The following PLCH1 variants were observed in gnomAD, a reference collection of about 807,000 sequenced individuals.
PLCH1 encodes phospholipase C eta 1.
A neutral mutation model predicts 126.7 loss-of-function variants in PLCH1; 60 were observed. The ratio of observed to expected loss-of-function variants is 0.47; its 90% CI spans 0.38 to 0.59. The LOEUF (loss-of-function observed/expected upper bound fraction) is 0.59, where lower values mean the gene tolerates loss of function less well. Among genes scored for constraint, PLCH1 ranks in the 20% least tolerant of loss-of-function variants. The pLI, the probability that PLCH1 is intolerant of heterozygous loss-of-function variation, is 0.00. For missense variants in PLCH1, 1,723 were observed against 2,040.0 expected (o/e 0.84, Z 2.99); for synonymous variants, 719 against 734.9 (o/e 0.98, Z 0.35).
intron 2 of PLCH1, among the ~76,000 whole-genome samples, chr3:155,596,996 T>C (rs1273060273): frequency 1.3e-5 from 2 of 152,256 alleles, no homozygotes; most frequent in Admixed American, 1.3e-4. Flanking sequence ...ACTTGTTGAA[T>C]GAATCCAGGT....
chr3:155,636,761 TA>T (rs1738773838), intron 2 of PLCH1, among the ~76,000 whole-genome samples: 1 of 124,436 alleles, frequency 8.0e-6, no homozygotes, highest in Non-Finnish European at 1.7e-5. Flanking sequence ...AAAAAAAAAT[TA>T]GATTTTGTGT....
chr3:155,528,893 A>C (rs1560116138), intron 10 of PLCH1, among the ~76,000 whole-genome samples: 1 of 152,198 alleles, frequency 6.6e-6, no homozygotes, highest in Non-Finnish European at 1.5e-5. Flanking sequence ...TCCTTTAAAA[A>C]TCTAATTAAA....
At chr3:155,546,495 A>T (rs1047729015) in intron 10 of PLCH1, among the ~76,000 whole-genome samples, 2 of 152,182 alleles carry the variant, frequency 1.3e-5, no homozygotes, top group African/African-American at 4.8e-5. Context: ...TGCCATCCCC[A>T]TCAAGCTACC....
At chr3:155,469,368 C>T (rs535458071) in intron 21 of PLCH1, among the ~76,000 whole-genome samples, 124 of 152,118 alleles carry the variant, frequency 8.2e-4, no homozygotes, top group Non-Finnish European at 1.5e-3. Flanking sequence ...CTTTTCGGAC[C>T]GGCCTAAAAA....
chr3:155,713,906 T>C (rs1316512267), intron 1 of PLCH1, among the ~76,000 whole-genome samples: 2 of 152,222 alleles, frequency 1.3e-5, no homozygotes, highest in East Asian at 1.9e-4. Context: ...TTATTATAAA[T>C]TAAAATAACC....
chr3:155,692,227 C>G (rs2680882), intron 2 of PLCH1, among the ~76,000 whole-genome samples: 58,970 of 151,920 alleles, frequency 0.39, 11,917 homozygotes, highest in East Asian at 0.52. Context: ...TATCACTTCC[C>G]CCTTCCTCTC....
intron 2 of PLCH1, among the ~76,000 whole-genome samples, chr3:155,651,522 A>G (rs34588813): frequency 0.073 from 11,097 of 152,244 alleles, 435 homozygotes; most frequent in Middle Eastern, 0.11. Flanking sequence ...ATTTTATTTC[A>G]CATACTTCTA....
rs573949571 is a variant in PLCH1 at position 155,648,447 on chromosome 3, A to G, written c.80-52069T>C. Among the ~76,000 whole-genome samples the G allele has an allele frequency of 3.9e-5, 6 of 152,024 alleles. No homozygotes were observed. In the South Asian group the frequency reaches 8.3e-4, roughly 21 times the overall value. On this transcript the variant is annotated intron_variant, in intron 2 of 22. Coordinates refer to ENST00000460012, the MANE Select transcript of PLCH1 (RefSeq NM_014996.4). The stretch of plus-strand genomic sequence containing the variant: ...TCTTGACGTCCTCCCTGGAAAAAAG[A>G]CTCTTCCCCTTTACAAAGGCCTACT...
At chr3:155,661,270 G>C (rs891645843) in intron 2 of PLCH1, among the ~76,000 whole-genome samples, 1 of 152,142 alleles carries the variant, frequency 6.6e-6, no homozygotes, top group African/African-American at 2.4e-5. Context: ...AGAGAGAGAG[G>C]TTGAACAGAG....
chr3:155,688,369 C>T (rs1235493165), intron 2 of PLCH1, among the ~76,000 whole-genome samples: 1 of 152,188 alleles, frequency 6.6e-6, no homozygotes, highest in Non-Finnish European at 1.5e-5. Context: ...TTTCATAATA[C>T]TTAGTTCAGA....
In PLCH1 at chr3:155,502,381, A is replaced by G. The variant is rs183870985; in HGVS notation, c.1705-1587T>C. Among the ~76,000 whole-genome samples the G allele has an allele frequency of 1.5e-3, 232 of 152,348 alleles. 1 individual carries two copies. Among genetic ancestry groups the G allele is most frequent in the African/African-American group, 5.3e-3 (220 of 41,580 alleles). On this transcript the variant is annotated intron_variant, in intron 13 of 22. Transcript: ENST00000460012. ...TCAATATTTATTAAAATAATCTATA[A>G]ATAGTCTAATGGACAACAATTTATT...
intron 8 of PLCH1, among the ~76,000 whole-genome samples, chr3:155,560,953 T>G (rs1383467805): frequency 6.6e-6 from 1 of 152,192 alleles, no homozygotes; most frequent in Non-Finnish European, 1.5e-5. Context: ...GATGCTCTTT[T>G]GTATAAATCA....
At position 155,459,183 on chromosome 3, in the gene PLCH1, G is replaced by A. The variant is rs754485139; in HGVS notation, c.2938+26173C>T. On this transcript the variant is annotated intron_variant, in intron 21 of 21. Coordinates refer to the PLCH1 transcript ENST00000494598. ...TGATGATAATTATAGGACTTTGGCA[G>A]TGGTTAGATACTTATGATGACATTG... Among the ~76,000 whole-genome samples the A allele has an allele frequency of 2.0e-5, 3 of 152,298 alleles. No individual in the cohort carries two copies. The South Asian group carries it at 6.2e-4, about 32-fold the overall frequency.
At chr3:155,700,772 G>T (rs1746211867) in intron 2 of PLCH1, among the ~76,000 whole-genome samples, 1 of 152,126 alleles carries the variant, frequency 6.6e-6, no homozygotes, top group South Asian at 2.1e-4. Flanking sequence ...AAAAAATACT[G>T]CAATTCACTG....
At chr3:155,602,791 A>G (rs1733902609) in intron 2 of PLCH1, among the ~76,000 whole-genome samples, 1 of 152,224 alleles carries the variant, frequency 6.6e-6, no homozygotes, top group South Asian at 2.1e-4. Context: ...TATGTGGCAC[A>G]TGACTATAAA....
At chr3:155,565,169 A>C in intron 7 of PLCH1, 51 bp from the exon 8 acceptor site, 1 of 1,299,262 alleles carries the variant, frequency 7.7e-7, no homozygotes, top group African/African-American at 1.5e-5. Flanking sequence ...ATATATACTT[A>C]ATGGCTCTAA....
rs1466810174 is a variant in PLCH1, at chr3:155,566,119, AT to A, written c.866-1002del. Reference sequence around the variant, plus strand: ...TAACCTAATATATATATACATATATATATGTATATATACATATATATGTATA... The same window carrying A: ...TAACCTAATATATATATACATATATAATGTATATATACATATATATGTATA... On this transcript the variant is annotated intron_variant, in intron 7 of 22. Transcript: ENST00000460012. 4.4e-3 allele frequency among the ~76,000 whole-genome samples: 624 copies of A among 141,158 alleles called. 6 individuals carry two copies. Among genetic ancestry groups the A allele is most frequent in the African/African-American group, 0.016 (593 of 37,028 alleles). The allele number at this position is 141,158 out of a possible 152,430, so 92.6% of individuals were successfully genotyped here. A position where few individuals can be genotyped will look rare whatever the true frequency, so the allele number is the denominator to read the frequency against.
intron 2 of PLCH1, among the ~76,000 whole-genome samples, chr3:155,646,431 T>C (rs558419403): frequency 1.3e-5 from 2 of 152,160 alleles, no homozygotes. Flanking sequence ...GTGTCACAGT[T>C]CTGTCTCACC....
rs34957636 is a variant in PLCH1, at chr3:155,667,341, T to C, written c.79+36805A>G. Among the ~76,000 whole-genome samples, 617 of 152,138 alleles carry C rather than the reference T, an allele frequency of 4.1e-3. 4 individuals carry two copies. Among genetic ancestry groups the C allele is most frequent in the Non-Finnish European group, 5.5e-3 (376 of 68,000 alleles). On this transcript the variant is annotated intron_variant, in intron 2 of 22. Coordinates refer to ENST00000460012, the MANE Select transcript of PLCH1 (RefSeq NM_014996.4). ...GGGGTACAAAGAAACAAATAAATGA[T>C]AAAGTAAAAAGGGGAATGGGTTGCA...
Sources: allele counts gnomAD v4.1 joint callset (sites outside exome capture counted in the v4.1 genomes callset), GRCh38; gene constraint gnomAD v4.1.1; transcripts MANE v1.5; gene names NCBI Gene and HGNC (gene_info 2026-07-23, HGNC 2026-07-21).